The following ADCY3 variants were observed in gnomAD, a reference collection of about 807,000 sequenced individuals.
ADCY3 encodes adenylate cyclase type 3.
ADCY3 carries 70 observed loss-of-function variants against 119.4 expected under a neutral mutation model. The ratio of observed to expected loss-of-function variants is 0.59; its 90% CI spans 0.48 to 0.72. The LOEUF is 0.72. Ranked by LOEUF, ADCY3 falls within the 30% of genes least tolerant of loss-of-function variation. ADCY3 has a pLI of 0.00. For synonymous variants in ADCY3, 672 were observed against 621.4 expected, an observed-to-expected ratio of 1.08 and a Z score of -1.21; for missense variants, 1,238 against 1,541.6, an observed-to-expected ratio of 0.80 and a Z score of 3.30.
Position 24,834,647 on chromosome 2 carries a change from C to T in ADCY3, c.1806-1G>A, listed in dbSNP as rs1357659407. On this transcript the variant is annotated splice_acceptor_variant, in intron 10 of 21. Coordinates refer to ENST00000679454, the MANE Select transcript of ADCY3 (RefSeq NM_004036.5). LOFTEE classifies it high-confidence loss of function. The surrounding 1 kb of genome is among the most constrained non-coding windows in gnomAD (Gnocchi z 4.2). ...GAGGAAGGTGTTTCTCTTCTTTACT[C>T]TGCAGTGGGAACAAGCCCCATGAAT... 1.2e-6 allele frequency: 2 copies of T among 1,613,852 alleles called. No individual in the cohort carries two copies. Among genetic ancestry groups the T allele is most frequent in the East Asian group, 2.2e-5 (1 of 44,858 alleles).
chr2:24,907,571 A>AT (rs1182411181), intron 2 of ADCY3, among the ~76,000 whole-genome samples: 2 of 151,912 alleles, frequency 1.3e-5, no homozygotes, highest in Non-Finnish European at 2.9e-5. Flanking sequence ...AGGACTGAAA[A>AT]CCTGCTCAGA....
chr2:24,905,381 G>A (rs929251813), intron 2 of ADCY3, among the ~76,000 whole-genome samples: 8 of 152,140 alleles, frequency 5.3e-5, no homozygotes, highest in East Asian at 1.9e-4. Context: ...TGATCCGCCC[G>A]CCTCGGCCTC....
intron 2 of ADCY3, among the ~76,000 whole-genome samples, chr2:24,876,553 T>C (rs566272284): frequency 6.6e-6 from 1 of 152,282 alleles, no homozygotes; most frequent in Admixed American, 6.5e-5. Context: ...CCTCAAAATA[T>C]GTCTGTAAAA....
chr2:24,851,134 C>T (rs1315411242), intron 3 of ADCY3, among the ~76,000 whole-genome samples: 1 of 152,198 alleles, frequency 6.6e-6, no homozygotes, highest in Non-Finnish European at 1.5e-5. Flanking sequence ...GGAAGGACCA[C>T]AGTTTTCTTA....
chr2:24,872,315 A>G lies in ADCY3; in HGVS notation c.825+255T>C, dbSNP rs1314169344. ...GTTTTACATTACGAAAACAAAACAA[A>G]GAGCAGGAAGGCAGAAGAGGAGAGA... On this transcript the variant is annotated intron_variant, in intron 3 of 21. Transcript: ENST00000679454. The surrounding 1 kb of genome is among the most constrained non-coding windows in gnomAD (Gnocchi z 4.4). Among the ~76,000 whole-genome samples, 1 of 152,226 alleles carries G rather than the reference A, an allele frequency of 6.6e-6. No individual in the cohort carries two copies. The highest frequency in any genetic ancestry group is 1.5e-5 in the Non-Finnish European group (1 of 68,034).
Position 24,841,327 on chromosome 2 carries a change from C to T in ADCY3, c.1128G>A (p.Leu376=), listed in dbSNP as rs748350464. 13 of 1,593,880 alleles carry T rather than the reference C, an allele frequency of 8.2e-6. No homozygotes were observed. The highest frequency in any genetic ancestry group is 1.7e-6 in the Non-Finnish European group (2 of 1,171,074). Residue 376 remains leucine, a synonymous_variant, in exon 6 of 22, where the codon TTG becomes TTA. Transcript: ENST00000679454. The surrounding 1 kb of genome is among the most constrained non-coding windows in gnomAD (Gnocchi z 5.8). Reference sequence around the variant, plus strand: ...CGGCGTGGTCCTCCCGGTAGTCGGGCAAGCCGCAGATGCAGTAGTAGCAGT... The same window carrying T: ...CGGCGTGGTCCTCCCGGTAGTCGGGTAAGCCGCAGATGCAGTAGTAGCAGT... ...LGDCYYCICG[L]PDYREDHAVC...
At chr2:24,860,611 C>G (rs1224729178) in intron 3 of ADCY3, among the ~76,000 whole-genome samples, 1 of 152,240 alleles carries the variant, frequency 6.6e-6, no homozygotes, top group East Asian at 1.9e-4. Context: ...TACCCAAATG[C>G]TCTGTTGCCT....
intron 11 of ADCY3, among the ~76,000 whole-genome samples, chr2:24,831,955 G>C (rs1293205945): frequency 2.4e-5 from 3 of 125,276 alleles, no homozygotes; most frequent in Non-Finnish European, 5.1e-5. Context: ...GCAGACAGGG[G>C]CAGGGGCCAG....
intron 18 of ADCY3, 21 bp from the exon 19 acceptor site, chr2:24,822,651 A>C (rs758333474): frequency 1.2e-6 from 2 of 1,612,612 alleles, no homozygotes; most frequent in Non-Finnish European, 1.7e-6. Context: ...GATTCAGGAA[A>C]GAATTGTCAG....
At position 24,862,625 on chromosome 2, in the gene ADCY3, A is replaced by C. The variant is rs150217440; in HGVS notation, c.825+9945T>G. 1.8e-3 allele frequency among the ~76,000 whole-genome samples: 281 copies of C among 152,180 alleles called. 9 individuals carry two copies. The East Asian group carries it at 0.019, about 10-fold the overall frequency. ...GGGTCCCAAGTTTTCTTTTGGGGGA[A>C]GATGTTGCGGAACTAGCTAGAGGTG... On this transcript the variant is annotated intron_variant, in intron 3 of 21. Coordinates refer to ENST00000679454, the MANE Select transcript of ADCY3 (RefSeq NM_004036.5).
Position 24,823,389 on chromosome 2 carries a change from T to C in ADCY3, c.2737-34A>G, listed in dbSNP as rs959109538. The C allele has an allele frequency of 2.5e-6, 4 of 1,600,736 alleles. No homozygotes were observed. The African/African-American group carries it at 4.0e-5, about 16-fold the overall frequency. On this transcript the variant is annotated intron_variant, in intron 17 of 21. Transcript: ENST00000679454. ...AGGTGCGGACAACGTGCTCAAAGCA[T>C]GTCCGACTGACTGGATGATGTGTTG...
chr2:24,849,468 CA>C (rs1344191901), intron 3 of ADCY3, among the ~76,000 whole-genome samples: 1 of 152,186 alleles, frequency 6.6e-6, no homozygotes, highest in Non-Finnish European at 1.5e-5. Flanking sequence ...GGGGGTGGGA[CA>C]GGGGGAATTT....
intron 8 of ADCY3, among the ~76,000 whole-genome samples, chr2:24,837,672 AAAAAT>A (rs1366459144): frequency 2.0e-5 from 3 of 152,200 alleles, no homozygotes; most frequent in Non-Finnish European, 4.4e-5. Flanking sequence ...TGAGATTACA[AAAAAT>A]AAGACAACCT....
intron 3 of ADCY3, among the ~76,000 whole-genome samples, chr2:24,864,094 C>T (rs2148750437): frequency 6.6e-6 from 1 of 152,312 alleles, no homozygotes; most frequent in Middle Eastern, 3.4e-3. Context: ...CGAGACTAGC[C>T]TGTCTAACAT....
intron 2 of ADCY3, among the ~76,000 whole-genome samples, chr2:24,881,762 A>G (rs1489149162): frequency 1.3e-5 from 2 of 152,224 alleles, no homozygotes; most frequent in Non-Finnish European, 2.9e-5. Flanking sequence ...TAAACAGAGA[A>G]GTGGTTCTCA....
chr2:24,852,471 C>G (rs370694297), intron 3 of ADCY3, among the ~76,000 whole-genome samples: 1 of 152,250 alleles, frequency 6.6e-6, no homozygotes, highest in African/African-American at 2.4e-5. Context: ...CCTAAGGACA[C>G]TGGTGGGTCA....
chr2:24,864,468 C>T (rs1376474214), intron 3 of ADCY3, among the ~76,000 whole-genome samples: 1 of 151,596 alleles, frequency 6.6e-6, no homozygotes, highest in African/African-American at 2.4e-5. Context: ...ATAGCAAAGC[C>T]GCAGAAAACA....
chr2:24,827,721 T>C (rs1668824698), intron 14 of ADCY3, 113 bp from the exon 15 acceptor site: 1 of 1,421,572 alleles, frequency 7.0e-7, no homozygotes, highest in South Asian at 1.2e-5. Context: ...GAAGAATCTA[T>C]TCTCAGGTCC....
intron 3 of ADCY3, among the ~76,000 whole-genome samples, chr2:24,849,530 T>C (rs1278874784): frequency 6.6e-6 from 1 of 152,224 alleles, no homozygotes; most frequent in Non-Finnish European, 1.5e-5. Context: ...AGCACAAATA[T>C]GTTCTGAAAG....
Sources: gnomAD v4.1 joint callset for allele counts (sites outside exome capture counted in the v4.1 genomes callset) on GRCh38, gnomAD v4.1.1 for gene constraint, Gnocchi (gnomAD v3.1) non-coding constraint, MANE v1.5 for transcripts, NCBI Gene and HGNC (gene_info 2026-07-23, HGNC 2026-07-21) for gene names.